Variants in HSPA12A observed in about 807,000 individuals in gnomAD.
The protein encoded by HSPA12A is heat shock 70 kDa protein 12A.
A neutral mutation model predicts 69.2 loss-of-function variants in HSPA12A; 28 were observed. The ratio of observed to expected loss-of-function variants is 0.40; its 90% CI spans 0.30 to 0.55. HSPA12A has a LOEUF of 0.55. Among genes scored for constraint, HSPA12A ranks in the 20% least tolerant of loss-of-function variants. HSPA12A has a pLI of 0.38. For synonymous variants in HSPA12A, 345 were observed against 370.5 expected, an observed-to-expected ratio of 0.93 and a Z score of 0.79; for missense variants, 686 against 900.7, an observed-to-expected ratio of 0.76 and a Z score of 3.05.
intron 1 of HSPA12A, among the ~76,000 whole-genome samples, chr10:116,836,348 T>C (rs972815897): frequency 6.6e-6 from 1 of 152,102 alleles, no homozygotes; most frequent in African/African-American, 2.4e-5. Flanking sequence ...GGAGGGAGCA[T>C]AGTCATTGTC....
In HSPA12A at chr10:116,673,216, C is replaced by T. The variant is rs1473041712; in HGVS notation, c.*1565G>A. On this transcript the variant is annotated 3_prime_UTR_variant, in exon 12 of 12. Transcript: ENST00000369209. ...AATGTTGCAGAAAACTGGTTTTGTACACTGGGGAAGGAGAGAGTGAAGACC... is the reference window on the plus strand; with the variant it reads ...AATGTTGCAGAAAACTGGTTTTGTATACTGGGGAAGGAGAGAGTGAAGACC... 2 of 152,044 alleles carry T rather than the reference C, an allele frequency of 1.3e-5. No individual in the cohort carries two copies. The highest frequency in any genetic ancestry group is 3.9e-4 in the East Asian group (2 of 5,148). 9.4% of individuals were successfully genotyped at this position (152,044 alleles called of 1,614,324 possible). A position where few individuals can be genotyped will look rare whatever the true frequency, so the allele number is the denominator to read the frequency against.
intron 2 of HSPA12A, among the ~76,000 whole-genome samples, chr10:116,761,854 A>G (rs1164911149): frequency 6.6e-6 from 1 of 152,128 alleles, no homozygotes; most frequent in African/African-American, 2.4e-5. Context: ...AGGGAGAAGC[A>G]GGCAGTGATA....
At chr10:116,730,419 TC>T (rs370878837) in intron 1 of HSPA12A, among the ~76,000 whole-genome samples, 2 of 152,216 alleles carry the variant, frequency 1.3e-5, no homozygotes, top group African/African-American at 4.8e-5. Context: ...TAAGCCCGTT[TC>T]ACTCTACCAA....
chr10:116,849,835 C>G (rs1474291859), upstream of HSPA12A: 3 of 1,317,398 alleles, frequency 2.3e-6, no homozygotes, highest in Non-Finnish European at 3.1e-6. Context: ...ATCTCGCATG[C>G]CAGCCGCCCG....
At chr10:116,685,442 C>T (rs1215450602) in intron 6 of HSPA12A, among the ~76,000 whole-genome samples, 1 of 151,548 alleles carries the variant, frequency 6.6e-6, no homozygotes, top group Admixed American at 6.6e-5. Context: ...CGAGACCAGC[C>T]TGGCCAAGAT....
chr10:116,707,216 G>T lies in HSPA12A; in HGVS notation c.110C>A (p.Ser37Tyr). The change falls in exon 2 of 12, where the codon TCC becomes TAC. Residue 37 changes from serine to tyrosine, a missense_variant. Ser to Tyr is a moderately radical substitution (Grantham distance 144, BLOSUM62 -2). Transcript: ENST00000369209. ...ACTTCTTACCACAATATGGGAGGGGGACAGAGGCGTTATTCCTGTGTCCCC... is the reference window on the plus strand; with the variant it reads ...ACTTCTTACCACAATATGGGAGGGGTACAGAGGCGTTATTCCTGTGTCCCC... ...SLGDTGITPL[S>Y]PSHIVNDTDS... 6.2e-7 allele frequency: 1 copy of T among 1,609,886 alleles called. No individual in the cohort carries two copies. Among genetic ancestry groups the T allele is most frequent in the South Asian group, 1.1e-5 (1 of 90,014 alleles).
chr10:116,781,858 TCA>T (rs1844471925), intron 2 of HSPA12A, among the ~76,000 whole-genome samples: 1 of 152,120 alleles, frequency 6.6e-6, no homozygotes. Context: ...AAACAAGTCT[TCA>T]AACATGCAAA....
intron 6 of HSPA12A, among the ~76,000 whole-genome samples, chr10:116,688,641 C>T (rs1849647115): frequency 6.6e-6 from 1 of 152,248 alleles, no homozygotes; most frequent in Admixed American, 6.5e-5. Context: ...GCTACAGCTG[C>T]ACCAGTTCGG....
At position 116,672,233 on chromosome 10, in the gene HSPA12A, C is replaced by T. The variant is rs1458253575; in HGVS notation, c.*2548G>A. The T allele has an allele frequency of 6.6e-6, 1 of 152,238 alleles. No individual in the cohort carries two copies. Among genetic ancestry groups the T allele is most frequent in the Non-Finnish European group, 1.5e-5 (1 of 68,072 alleles). 9.4% of individuals were successfully genotyped at this position (152,238 alleles called of 1,614,324 possible). ...CCTGAAAACATCACACACAGTGGAC[C>T]ACGCTTTGCCCTCAGAGTGACTGCT... On this transcript the variant is annotated 3_prime_UTR_variant, in exon 12 of 12. Coordinates refer to ENST00000369209, the MANE Select transcript of HSPA12A (RefSeq NM_025015.3).
At chr10:116,790,387 G>A (rs1844678083) in intron 2 of HSPA12A, among the ~76,000 whole-genome samples, 1 of 152,014 alleles carries the variant, frequency 6.6e-6, no homozygotes, top group Non-Finnish European at 1.5e-5. Context: ...ACAGGTGTAA[G>A]CCACCACGCC....
intron 1 of HSPA12A, among the ~76,000 whole-genome samples, chr10:116,729,946 G>A (rs141561996): frequency 0.011 from 1,632 of 152,296 alleles, 14 homozygotes; most frequent in Non-Finnish European, 0.017. Context: ...ATGGCCAGGC[G>A]TGGTGGCTTA....
At chr10:116,811,444 G>A (rs1845181051) in intron 2 of HSPA12A, among the ~76,000 whole-genome samples, 1 of 152,086 alleles carries the variant, frequency 6.6e-6, no homozygotes, top group Non-Finnish European at 1.5e-5. Flanking sequence ...ACCTTGTCAA[G>A]CCTCTTAGAT....
intron 2 of HSPA12A, among the ~76,000 whole-genome samples, chr10:116,778,910 G>A (rs929844811): frequency 4.6e-5 from 7 of 152,176 alleles, no homozygotes; most frequent in African/African-American, 1.4e-4. Flanking sequence ...ACTCGCAGTG[G>A]GGAGATGGAA....
At chr10:116,760,039 C>T (rs1005289858) in intron 2 of HSPA12A, among the ~76,000 whole-genome samples, 1 of 152,120 alleles carries the variant, frequency 6.6e-6, no homozygotes, top group African/African-American at 2.4e-5. Context: ...TTGGGTATAT[C>T]TTTATCAGCA....
exon 1 of HSPA12A, chr10:116,849,613 T>C (rs945608411): frequency 5.8e-6 from 9 of 1,549,888 alleles, no homozygotes; most frequent in African/African-American, 1.4e-5. Context: ...ACTAGGGAGC[T>C]GCAGAAGCTG....
At chr10:116,746,857 T>C (rs1554887862), upstream of HSPA12A, among the ~76,000 whole-genome samples, 2 of 152,240 alleles carry the variant, frequency 1.3e-5, no homozygotes, top group African/African-American at 4.8e-5. Context: ...GAAACACTGA[T>C]ATGAGTTCAT....
chr10:116,755,738 CA>C (rs781974014), intron 2 of HSPA12A, among the ~76,000 whole-genome samples: 32 of 146,842 alleles, frequency 2.2e-4, no homozygotes, highest in South Asian at 4.3e-4. Context: ...GAGGCCAAGA[CA>C]GGCGAATGGC....
chr10:116,795,296 A>G (rs994506078), intron 2 of HSPA12A, among the ~76,000 whole-genome samples: 1 of 152,240 alleles, frequency 6.6e-6, no homozygotes, highest in Non-Finnish European at 1.5e-5. Flanking sequence ...TATTTATTTT[A>G]CTAGATTTTA....
chr10:116,714,338 GC>G (rs1554883516), intron 1 of HSPA12A, among the ~76,000 whole-genome samples: 1 of 152,108 alleles, frequency 6.6e-6, no homozygotes, highest in East Asian at 1.9e-4. Flanking sequence ...ACCCAGGTCT[GC>G]CTCTCTCCTC....
Sources: gnomAD v4.1 joint callset for allele counts (sites outside exome capture counted in the v4.1 genomes callset) on GRCh38, gnomAD v4.1.1 for gene constraint, MANE v1.5 for transcripts, NCBI Gene and HGNC (gene_info 2026-07-23, HGNC 2026-07-21) for gene names.